TTLL5: variants seen among roughly 807,000 people sequenced by gnomAD.
TTLL5 encodes tubulin polyglutamylase TTLL5.
TTLL5 carries 132 observed loss-of-function variants against 168.4 expected under a neutral mutation model. The ratio of observed to expected loss-of-function variants is 0.78; its 90% CI spans 0.68 to 0.91. TTLL5 has a LOEUF of 0.91. TTLL5 is among the 40% of genes least tolerant of loss of function. TTLL5 has a pLI of 0.00. For synonymous variants in TTLL5, 546 were observed against 558.6 expected, an observed-to-expected ratio of 0.98 and a Z score of 0.32; for missense variants, 1,545 against 1,581.5, an observed-to-expected ratio of 0.98 and a Z score of 0.39.
chr14:75,767,662 G>A (rs566422120), intron 20 of TTLL5, among the ~76,000 whole-genome samples: 14 of 152,296 alleles, frequency 9.2e-5, no homozygotes, highest in African/African-American at 2.9e-4. Flanking sequence ...GTGAAGGGCC[G>A]TAAGAGGAGC....
chr14:75,814,445 C>G (rs1374776995), intron 27 of TTLL5: 1 of 152,180 alleles, frequency 6.6e-6, no homozygotes, highest in African/African-American at 2.4e-5. Context: ...CTGGTAACGT[C>G]TATAATCATC....
At chr14:75,893,060 A>G (rs1294304362) in intron 30 of TTLL5, among the ~76,000 whole-genome samples, 2 of 152,218 alleles carry the variant, frequency 1.3e-5, no homozygotes, top group East Asian at 3.9e-4. Flanking sequence ...TGCCAGGAAA[A>G]TCAAGAACTG....
At chr14:75,745,987 G>A (rs1232336087) in intron 17 of TTLL5, among the ~76,000 whole-genome samples, 1 of 152,100 alleles carries the variant, frequency 6.6e-6, no homozygotes, top group African/African-American at 2.4e-5. Flanking sequence ...GGCAACAATA[G>A]GCACCAGTTT....
At position 75,779,672 on chromosome 14, in the gene TTLL5, A is replaced by T. The variant is rs1223386653; in HGVS notation, c.2485A>T (p.Asn829Tyr). 2 of 1,613,442 alleles carry T rather than the reference A, an allele frequency of 1.2e-6. No homozygotes were observed. Among genetic ancestry groups the T allele is most frequent in the Admixed American group, 3.3e-5 (2 of 59,816 alleles). The change falls in exon 24 of 32, where the codon AAC becomes TAC. Residue 829 changes from asparagine (N) to tyrosine (Y), a missense_variant. Asn to Tyr is a moderately radical substitution (Grantham distance 143, BLOSUM62 -2). Coordinates refer to ENST00000298832, the MANE Select transcript of TTLL5 (RefSeq NM_015072.5). ...TCACTCTAAAATTTCTAAGAACAAC[A>T]ACAATTATTCTGATAGTGGGGCAAA... ...GTHSKISKNNNNYSDSGAKGD... is the reference protein window; with the variant it reads ...GTHSKISKNNYNYSDSGAKGD...
At chr14:75,899,536 G>A (rs2032826612) in intron 30 of TTLL5, among the ~76,000 whole-genome samples, 1 of 152,316 alleles carries the variant, frequency 6.6e-6, no homozygotes, top group Admixed American at 6.5e-5. Context: ...TCACTCAAAA[G>A]TTTCCCCTTG....
chr14:75,751,216 A>G (rs1348511200), intron 17 of TTLL5, among the ~76,000 whole-genome samples: 1 of 152,190 alleles, frequency 6.6e-6, no homozygotes, highest in Non-Finnish European at 1.5e-5. Context: ...CTGAGGTGTG[A>G]CAGCAAAACT....
rs895847087 is a variant in TTLL5 at position 75,892,183 on chromosome 14, T to C, written c.3740+9281T>C. ...TTGGAGTTACTGACTTCCAGGCCAG[T>C]TGGCTCCCAAAGTTCACACTTTCAC... On this transcript the variant is annotated intron_variant, in intron 30 of 31. Transcript: ENST00000298832. Among the ~76,000 whole-genome samples the C allele has an allele frequency of 1.2e-4, 18 of 152,344 alleles. No homozygotes were observed. In the South Asian group the frequency reaches 3.3e-3, roughly 28 times the overall value.
At chr14:75,735,360 G>A in intron 15 of TTLL5, 71 bp downstream of exon 15, 2 of 1,462,810 alleles carry the variant, frequency 1.4e-6, no homozygotes, top group African/African-American at 1.4e-5. Flanking sequence ...AACTGTGGGA[G>A]CAGAAGCACT....
intron 28 of TTLL5, among the ~76,000 whole-genome samples, chr14:75,833,257 G>T (rs1337753791): frequency 6.6e-6 from 1 of 152,158 alleles, no homozygotes; most frequent in African/African-American, 2.4e-5. Flanking sequence ...CAGAAAGGCT[G>T]TTTCATATTT....
At chr14:75,713,554 C>T (rs927321542) in intron 9 of TTLL5, among the ~76,000 whole-genome samples, 2 of 152,128 alleles carry the variant, frequency 1.3e-5, no homozygotes, top group Admixed American at 1.3e-4. Context: ...AAATAGTGCT[C>T]TTTTAGGTTA....
intron 31 of TTLL5, 49 bp from the exon 32 acceptor site, chr14:75,954,375 C>T (rs2035052195): frequency 6.2e-7 from 1 of 1,605,286 alleles, no homozygotes; most frequent in Non-Finnish European, 8.5e-7. Context: ...GTAAGTAAAA[C>T]CCCATGCTGT....
chr14:75,764,759 G>A lies in TTLL5; in HGVS notation c.1695G>A (p.Arg565=), dbSNP rs1292782283. 1.2e-6 allele frequency: 2 copies of A among 1,614,074 alleles called. No individual in the cohort carries two copies. The highest frequency in any genetic ancestry group is 1.7e-5 in the Admixed American group (1 of 60,020). ...GGAGTAGCAGATTGAGGGCAATGAG[G>A]CCAAAATACCCAGGTACCTGCTGGT... ...RRRSSRLRAM[R]PKYPVITQPA... Residue 565 remains arginine, a synonymous_variant, in exon 19 of 32, where the codon AGG becomes AGA. Transcript: ENST00000298832.
chr14:75,944,168 G>A (rs1476631959), intron 31 of TTLL5, among the ~76,000 whole-genome samples: 1 of 152,150 alleles, frequency 6.6e-6, no homozygotes, highest in Non-Finnish European at 1.5e-5. Flanking sequence ...CAATAATTGA[G>A]GCTGCGGCAG....
intron 28 of TTLL5, among the ~76,000 whole-genome samples, chr14:75,848,125 G>T (rs1369255233): frequency 6.6e-6 from 1 of 151,962 alleles, no homozygotes; most frequent in Non-Finnish European, 1.5e-5. Flanking sequence ...ACTGAAGGAA[G>T]GGGGCAGAGG....
At position 75,850,363 on chromosome 14, in the gene TTLL5, G is replaced by A. The variant is rs1216917157; in HGVS notation, c.3327-13304G>A. ...AGAGGTTGCAGTGAGCCAAGATCAC[G>A]CCATTGCACTCCAGCCTGGGCAGCA... On this transcript the variant is annotated intron_variant, in intron 28 of 31. Coordinates refer to ENST00000298832, the MANE Select transcript of TTLL5 (RefSeq NM_015072.5). 6.1e-5 allele frequency among the ~76,000 whole-genome samples: 8 copies of A among 131,396 alleles called. No homozygotes were observed. The South Asian group carries it at 1.9e-3, about 31-fold the overall frequency. 86.2% of individuals were successfully genotyped at this position (131,396 alleles called of 152,430 possible).
chr14:75,709,828 T>TA (rs60209676), intron 9 of TTLL5: 656 of 39,902 alleles, frequency 0.016, 34 homozygotes, highest in African/African-American at 0.062. Flanking sequence ...CCCATCTCAT[T>TA]AAAAAAAAAA....
chr14:75,745,093 A>G lies in TTLL5; in HGVS notation c.1282-2A>G, dbSNP rs768090063. The G allele has an allele frequency of 3.7e-6, 6 of 1,613,556 alleles. No individual in the cohort carries two copies. Among genetic ancestry groups the G allele is most frequent in the Non-Finnish European group, 4.2e-6 (5 of 1,179,722 alleles). On this transcript the variant is annotated splice_acceptor_variant, in intron 15 of 31. Transcript: ENST00000298832. LOFTEE classifies it high-confidence loss of function. Reference sequence around the variant, plus strand: ...TTACTATTTTCATTTTCTTCTCCTTAGCGTTGCCGTCCACTCTCTGCCAGT... The same window carrying G: ...TTACTATTTTCATTTTCTTCTCCTTGGCGTTGCCGTCCACTCTCTGCCAGT...
intron 2 of TTLL5, among the ~76,000 whole-genome samples, chr14:75,665,714 C>G (rs906854624): frequency 1.3e-5 from 2 of 151,898 alleles, no homozygotes; most frequent in Non-Finnish European, 2.9e-5. Flanking sequence ...AAAAATTAGC[C>G]GGGTGTGGTT....
At chr14:75,669,590 T>G in intron 3 of TTLL5, 68 bp downstream of exon 3, 1 of 1,370,516 alleles carries the variant, frequency 7.3e-7, no homozygotes, top group Non-Finnish European at 1.0e-6. Flanking sequence ...TTAAAGAAGT[T>G]GATATGACAT....
Sources: gnomAD v4.1 joint callset for allele counts (sites outside exome capture counted in the v4.1 genomes callset) on GRCh38, gnomAD v4.1.1 for gene constraint, MANE v1.5 for transcripts, NCBI Gene and HGNC (gene_info 2026-07-23, HGNC 2026-07-21) for gene names.